The following PON1 variants were observed in gnomAD, a reference collection of about 807,000 sequenced individuals.
PON1 encodes serum paraoxonase/arylesterase 1.
In PON1, 37 loss-of-function variants were observed where a neutral mutation model predicts 39.2. The observed-to-expected ratio is 0.94, with a 90% CI of 0.73 to 1.24. The LOEUF is 1.24. PON1 is among the 50% of genes most tolerant of loss of function. PON1 has a pLI of 0.00. For missense variants in PON1, 397 were observed against 413.5 expected, an observed-to-expected ratio of 0.96 and a Z score of 0.35; for synonymous variants, 148 against 152.2, an observed-to-expected ratio of 0.97 and a Z score of 0.21.
intron 1 of PON1, among the ~76,000 whole-genome samples, chr7:95,320,872 G>A (rs3917486): frequency 0.035 from 5,346 of 152,314 alleles, 167 homozygotes; most frequent in Non-Finnish European, 0.047. Context: ...ACTCTGCGCA[G>A]AAACCATACA....
intron 5 of PON1, among the ~76,000 whole-genome samples, chr7:95,308,801 T>C (rs1807596771): frequency 6.6e-6 from 1 of 152,152 alleles, no homozygotes; most frequent in Non-Finnish European, 1.5e-5. Context: ...AGCCTTAAGA[T>C]TTCGTGATTC....
At chr7:95,315,520 C>A (rs1307282560) in intron 3 of PON1, 30 bp from the exon 4 acceptor site, 2 of 1,606,974 alleles carry the variant, frequency 1.2e-6, no homozygotes, top group African/African-American at 1.3e-5. Context: ...AAAAATCAAG[C>A]ACAATACCAG....
intron 8 of PON1, among the ~76,000 whole-genome samples, chr7:95,299,486 C>A (rs1419630810): frequency 6.6e-6 from 1 of 152,044 alleles, no homozygotes; most frequent in African/African-American, 2.4e-5. Context: ...AGTATTGATC[C>A]TGGGTGTCTG....
Position 95,298,656 on chromosome 7 carries a change from C to CTGT in PON1, c.*285_*287dup. Reference sequence around the variant, plus strand: ...GGGTAAGTACTTTTGGGGTCACACACTGTTATTTAATATCTGACAATTGAC... The same window carrying CTGT: ...GGGTAAGTACTTTTGGGGTCACACACTGTTGTTATTTAATATCTGACAATTGAC... On this transcript the variant is annotated 3_prime_UTR_variant, in exon 9 of 9. Coordinates refer to ENST00000222381, the MANE Select transcript of PON1 (RefSeq NM_000446.7). The CTGT allele has an allele frequency of 2.1e-6, 1 of 470,062 alleles. No homozygotes were observed. Among genetic ancestry groups the CTGT allele is most frequent in the Non-Finnish European group, 3.9e-6 (1 of 255,930 alleles). The allele number at this position is 470,062 out of a possible 1,614,324, so 29.1% of individuals were successfully genotyped here.
At chr7:95,311,119 A>T (rs1306470943) in intron 5 of PON1, among the ~76,000 whole-genome samples, 2 of 152,134 alleles carry the variant, frequency 1.3e-5, no homozygotes, top group Non-Finnish European at 1.5e-5. Context: ...TAAGCTCATG[A>T]TGTCAAATTT....
At chr7:95,315,742 T>C (rs1401789722) in intron 3 of PON1, among the ~76,000 whole-genome samples, 1 of 152,136 alleles carries the variant, frequency 6.6e-6, no homozygotes, top group African/African-American at 2.4e-5. Flanking sequence ...TGCACGACAC[T>C]ACAGCTTCCA....
chr7:95,309,230 C>T (rs1258786605), intron 5 of PON1, among the ~76,000 whole-genome samples: 1 of 150,454 alleles, frequency 6.6e-6, no homozygotes, highest in Non-Finnish European at 1.5e-5. Context: ...GTGGGAATTA[C>T]AATGAGACAA....
intron 4 of PON1, among the ~76,000 whole-genome samples, chr7:95,313,154 G>A (rs1807691870): frequency 6.6e-6 from 1 of 152,246 alleles, no homozygotes; most frequent in African/African-American, 2.4e-5. Flanking sequence ...TACAGCTGAG[G>A]AAGGAGGGTG....
chr7:95,305,687 G>T (rs1807524147), intron 7 of PON1, among the ~76,000 whole-genome samples: 1 of 151,970 alleles, frequency 6.6e-6, no homozygotes, highest in African/African-American at 2.4e-5. Flanking sequence ...GAAGGAGGGG[G>T]TCATGGAGAT....
In PON1 at chr7:95,302,313, G is replaced by C. The variant is rs766399556; in HGVS notation, c.801C>G (p.Leu267=). ...TPLKSLDFNT[L]VDNISVDPET... Reference sequence around the variant, plus strand: ...CAGGATCCACAGATATGTTATCCACGAGGGTATTAAAGTCAAGGGACTTAA... The same window carrying C: ...CAGGATCCACAGATATGTTATCCACCAGGGTATTAAAGTCAAGGGACTTAA... The change falls in exon 8 of 9, where the codon CTC becomes CTG. Residue 267 remains leucine (L), a synonymous_variant. Coordinates refer to ENST00000222381, the MANE Select transcript of PON1 (RefSeq NM_000446.7). 4 of 1,607,520 alleles carry C rather than the reference G, an allele frequency of 2.5e-6. No individual in the cohort carries two copies. The highest frequency in any genetic ancestry group is 3.4e-6 in the Non-Finnish European group (4 of 1,174,446).
intron 5 of PON1, 96 bp downstream of exon 5, chr7:95,311,355 A>G (rs1230258387): frequency 7.0e-7 from 1 of 1,432,390 alleles, no homozygotes; most frequent in Non-Finnish European, 9.8e-7. Flanking sequence ...ATGAGAGTTG[A>G]ACAGCCATAC....
chr7:95,311,330 T>C, intron 5 of PON1, 121 bp downstream of exon 5: 1 of 1,230,378 alleles, frequency 8.1e-7, no homozygotes, highest in Non-Finnish European at 1.2e-6. Flanking sequence ...GTGGAGGAGT[T>C]TGTGATCATT....
intron 3 of PON1, 106 bp from the exon 4 acceptor site, chr7:95,315,596 G>T: frequency 8.2e-7 from 1 of 1,217,118 alleles, no homozygotes; most frequent in Non-Finnish European, 1.2e-6. Context: ...CAAACCACAG[G>T]GCTAGCCAGA....
chr7:95,311,039 G>A (rs1343978498), intron 5 of PON1, among the ~76,000 whole-genome samples: 1 of 152,190 alleles, frequency 6.6e-6, no homozygotes, highest in Non-Finnish European at 1.5e-5. Context: ...ACTTGATTCA[G>A]GGTCTCCTCT....
rs745352941 is a variant in PON1, at chr7:95,315,484, T to G, written c.208A>C (p.Lys70Gln). 6 of 1,613,832 alleles carry G rather than the reference T, an allele frequency of 3.7e-6. No individual in the cohort carries two copies. In the East Asian group the frequency reaches 1.1e-4, roughly 30 times the overall value. Reference protein sequence around the residue: ...NGLAFISSGLKYPGIKSFNPN... With the variant: ...NGLAFISSGLQYPGIKSFNPN... ...TTGAAGCTCTTTATTCCAGGATACTTTAATCCCTTATAAACCATGGAGGAG... is the reference window on the plus strand; with the variant it reads ...TTGAAGCTCTTTATTCCAGGATACTGTAATCCCTTATAAACCATGGAGGAG... Residue 70 changes from lysine (K) to glutamine (Q), a missense_variant, in exon 4 of 9, where the codon AAG becomes CAG. Lys to Gln is a moderately conservative substitution (Grantham distance 53). Coordinates refer to ENST00000222381, the MANE Select transcript of PON1 (RefSeq NM_000446.7).
chr7:95,320,522 G>T lies in PON1; in HGVS notation c.75-2129C>A, dbSNP rs569285574. 9.8e-5 allele frequency among the ~76,000 whole-genome samples: 15 copies of T among 152,300 alleles called. 1 individual carries two copies. In the Middle Eastern group the frequency reaches 0.01, roughly 104 times the overall value. On this transcript the variant is annotated intron_variant, in intron 1 of 8. Coordinates refer to ENST00000222381, the MANE Select transcript of PON1 (RefSeq NM_000446.7). ...CCGCGTTTAATCCTCAAACACCTCCGTGAGGTGTTATTTTCCCTAAGTTAT... is the reference window on the plus strand; with the variant it reads ...CCGCGTTTAATCCTCAAACACCTCCTTGAGGTGTTATTTTCCCTAAGTTAT...
intron 8 of PON1, among the ~76,000 whole-genome samples, chr7:95,299,671 A>G (rs1040606386): frequency 6.6e-6 from 1 of 152,006 alleles, no homozygotes; most frequent in African/African-American, 2.4e-5. Context: ...TCCCATGCTG[A>G]TGCTTCCTGC....
chr7:95,313,354 A>G (rs978640197), intron 4 of PON1, among the ~76,000 whole-genome samples: 1 of 152,228 alleles, frequency 6.6e-6, no homozygotes, highest in African/African-American at 2.4e-5. Flanking sequence ...GAGCTATATT[A>G]CAGTGCTCCC....
rs779159716 is a variant in PON1 at position 95,311,247 on chromosome 7, G to A, written c.497+204C>T. Among the ~76,000 whole-genome samples, 354 of 152,204 alleles carry A rather than the reference G, an allele frequency of 2.3e-3. 2 individuals carry two copies. The highest frequency in any genetic ancestry group is 4.5e-3 in the Non-Finnish European group (307 of 67,992). On this transcript the variant is annotated intron_variant, in intron 5 of 8. Transcript: ENST00000222381. ...CCAGGAGCCAGCATCCAATCAGCTC[G>A]AGAAACAAGAGAGGAAAAGAATGGG...
Sources: allele counts gnomAD v4.1 joint callset (sites outside exome capture counted in the v4.1 genomes callset), GRCh38; gene constraint gnomAD v4.1.1; transcripts MANE v1.5; gene names NCBI Gene and HGNC (gene_info 2026-07-23, HGNC 2026-07-21).